SORCS2: variants seen among roughly 807,000 people sequenced by gnomAD.
The protein encoded by SORCS2 is sortilin related VPS10 domain containing receptor 2.
SORCS2 carries 100 observed loss-of-function variants against 141.6 expected under a neutral mutation model. The observed-to-expected ratio is 0.71, with a 90% CI of 0.60 to 0.83. The LOEUF (loss-of-function observed/expected upper bound fraction) is 0.83, where lower values mean the gene tolerates loss of function less well. Ranked by LOEUF, SORCS2 falls within the 40% of genes least tolerant of loss-of-function variation. The pLI is 0.00. For synonymous variants in SORCS2, 789 were observed against 676.9 expected (o/e 1.17, Z -2.57); for missense variants, 1,646 against 1,560.2 (o/e 1.05, Z -0.93).
chr4:7,531,080 G>A (rs550525679), intron 2 of SORCS2, among the ~76,000 whole-genome samples: 2 of 152,106 alleles, frequency 1.3e-5, no homozygotes, highest in Non-Finnish European at 2.9e-5. Flanking sequence ...GGAATGCCTC[G>A]GCACAGCCAC....
chr4:7,617,056 G>A (rs1718809131), intron 3 of SORCS2, among the ~76,000 whole-genome samples: 1 of 152,214 alleles, frequency 6.6e-6, no homozygotes, highest in Non-Finnish European at 1.5e-5. Context: ...CATGGACCTC[G>A]TGGTGCCTGG....
At chr4:7,710,377 G>A (rs993001745) in intron 14 of SORCS2, among the ~76,000 whole-genome samples, 1 of 152,272 alleles carries the variant, frequency 6.6e-6, no homozygotes, top group South Asian at 2.1e-4. Context: ...ACAAGGTCAC[G>A]CCTGGGCCCG....
chr4:7,712,812 G>A lies in SORCS2; in HGVS notation c.1948G>A (p.Gly650Ser), dbSNP rs749774292. ...CCGGCCCTCATTCTCCAGGCAGTGC[G>A]GCGAGGAGGACTACAGCTCCTGGGA... is the stretch of plus-strand genomic sequence containing the variant. ...DFRPSFSRQC[G>S]EEDYSSWELS... Residue 650 changes from glycine to serine, a missense_variant, in exon 15 of 27, where the codon GGC becomes AGC. Transcript: ENST00000507866. The A allele has an allele frequency of 9.9e-6, 16 of 1,613,982 alleles. No homozygotes were observed. Among genetic ancestry groups the A allele is most frequent in the Middle Eastern group, 1.6e-4 (1 of 6,062 alleles).
At chr4:7,476,728 C>T (rs546453568) in intron 2 of SORCS2, among the ~76,000 whole-genome samples, 1 of 152,148 alleles carries the variant, frequency 6.6e-6, no homozygotes, top group African/African-American at 2.4e-5. Flanking sequence ...CCTCTCTTGC[C>T]ACACCTCTCT....
chr4:7,619,097 G>GAGC (rs1718968761), intron 3 of SORCS2, among the ~76,000 whole-genome samples: 1 of 152,206 alleles, frequency 6.6e-6, no homozygotes, highest in Non-Finnish European at 1.5e-5. Flanking sequence ...CTCTGGGCAA[G>GAGC]TTGGTGAGCC....
chr4:7,725,319 T>A (rs748807848), intron 20 of SORCS2, 32 bp downstream of exon 20: 1 of 1,599,874 alleles, frequency 6.3e-7, no homozygotes, highest in East Asian at 2.2e-5. Flanking sequence ...TCAGCCCTTC[T>A]TCCCGCAGGC....
rs1471129767 is a variant in SORCS2 at position 7,714,224 on chromosome 4, G to A, written c.1990-16G>A. On this transcript the variant is annotated splice_polypyrimidine_tract_variant and intron_variant, in intron 15 of 26. Transcript: ENST00000507866. ...CCTGTCTCAGGCAGCTCCTTACCCT[G>A]ATGTTCCTGCTGCAGGGCGACCGCT... 2 of 1,607,650 alleles carry A rather than the reference G, an allele frequency of 1.2e-6. No individual in the cohort carries two copies. The highest frequency in any genetic ancestry group is 1.7e-5 in the Admixed American group (1 of 59,484).
chr4:7,257,988 C>G (rs1714023750), intron 1 of SORCS2, among the ~76,000 whole-genome samples: 1 of 152,198 alleles, frequency 6.6e-6, no homozygotes, highest in Non-Finnish European at 1.5e-5. Flanking sequence ...TGGCCCATGG[C>G]TACAGCTCTC....
intron 2 of SORCS2, among the ~76,000 whole-genome samples, chr4:7,500,113 G>A (rs1279039453): frequency 6.6e-6 from 1 of 152,124 alleles, no homozygotes; most frequent in Non-Finnish European, 1.5e-5. Context: ...CCCCCATCCT[G>A]CCTGTAACCC....
intron 3 of SORCS2, among the ~76,000 whole-genome samples, chr4:7,574,253 G>T (rs796599881): frequency 6.9e-4 from 105 of 152,310 alleles, no homozygotes; most frequent in African/African-American, 2.4e-3. Context: ...GTGCAGCGAG[G>T]GTGTGGTCCC....
chr4:7,204,368 A>T (rs958093198), intron 1 of SORCS2, among the ~76,000 whole-genome samples: 1 of 152,054 alleles, frequency 6.6e-6, no homozygotes, highest in Non-Finnish European at 1.5e-5. Context: ...GGTGCACGCC[A>T]CCACACCTGG....
At chr4:7,539,324 G>T (rs1712378755) in intron 3 of SORCS2, among the ~76,000 whole-genome samples, 1 of 152,184 alleles carries the variant, frequency 6.6e-6, no homozygotes, top group Non-Finnish European at 1.5e-5. Flanking sequence ...AACACGGGGT[G>T]GTGGTACCAC....
intron 1 of SORCS2, among the ~76,000 whole-genome samples, chr4:7,324,414 A>C (rs528466146): frequency 6.6e-6 from 1 of 152,330 alleles, no homozygotes; most frequent in South Asian, 2.1e-4. Flanking sequence ...CTGCAGCTCC[A>C]ACTGGGCAAC....
intron 1 of SORCS2, among the ~76,000 whole-genome samples, chr4:7,266,328 C>T (rs1001748740): frequency 1.3e-5 from 2 of 152,194 alleles, no homozygotes; most frequent in Admixed American, 1.3e-4. Context: ...GTCGGAGCTT[C>T]CTACCCGAGC....
intron 3 of SORCS2, among the ~76,000 whole-genome samples, chr4:7,566,758 CT>C (rs1366919975): frequency 6.6e-6 from 1 of 152,140 alleles, no homozygotes; most frequent in East Asian, 1.9e-4. Context: ...CCTGGCTTAC[CT>C]TAGTGGATGC....
At chr4:7,559,362 A>C (rs1484150673) in intron 3 of SORCS2, among the ~76,000 whole-genome samples, 1 of 152,158 alleles carries the variant, frequency 6.6e-6, no homozygotes, top group African/African-American at 2.4e-5. Flanking sequence ...GAGCCACTCT[A>C]GGGGACCGAT....
At chr4:7,616,062 T>C (rs550346476) in intron 3 of SORCS2, among the ~76,000 whole-genome samples, 10 of 152,334 alleles carry the variant, frequency 6.6e-5, no homozygotes, top group Admixed American at 5.2e-4. Flanking sequence ...CTATATTTTC[T>C]GGCATCCCTA....
intron 2 of SORCS2, chr4:7,430,631 AG>A (rs1353640715): frequency 1.3e-5 from 2 of 152,242 alleles, no homozygotes; most frequent in Non-Finnish European, 2.9e-5. Flanking sequence ...TCCCAGGCAG[AG>A]ATGCTCCTCT....
chr4:7,307,876 A>G (rs1443749259), intron 1 of SORCS2, among the ~76,000 whole-genome samples: 2 of 150,944 alleles, frequency 1.3e-5, no homozygotes, highest in East Asian at 3.9e-4. Context: ...GAGTGAGTGT[A>G]TGTGCATGGG....
Sources: gnomAD v4.1 joint callset for allele counts (sites outside exome capture counted in the v4.1 genomes callset) on GRCh38, gnomAD v4.1.1 for gene constraint, MANE v1.5 for transcripts, NCBI Gene and HGNC (gene_info 2026-07-23, HGNC 2026-07-21) for gene names.